PARD3B: variants seen among roughly 807,000 people sequenced by gnomAD.
PARD3B encodes par-3 family cell polarity regulator beta, also known as partitioning defective 3 homolog B.
Under a neutral mutation model 130.2 loss-of-function variants are expected in PARD3B, and 103 were observed. The ratio of observed to expected loss-of-function variants is 0.79; its 90% confidence interval spans 0.67 to 0.93. The LOEUF (loss-of-function observed/expected upper bound fraction) is 0.93, where lower values mean the gene tolerates loss of function less well. Ranked by LOEUF, PARD3B falls within the 40% of genes least tolerant of loss-of-function variation. The pLI is 0.00. For synonymous variants in PARD3B, 583 were observed against 553.2 expected (o/e 1.05, Z -0.76); for missense variants, 1,609 against 1,499.2 (o/e 1.07, Z -1.21).
intron 4 of PARD3B, among the ~76,000 whole-genome samples, chr2:205,102,273 G>A (rs1243460471): frequency 2.0e-5 from 3 of 151,996 alleles, no homozygotes; most frequent in East Asian, 3.9e-4. Context: ...ATGAGCTCTT[G>A]GTGTTATGTG....
chr2:205,594,129 C>T lies in PARD3B; in HGVS notation c.3261-21327C>T, dbSNP rs577117652. 2.6e-5 allele frequency among the ~76,000 whole-genome samples: 4 copies of T among 152,210 alleles called. No individual in the cohort carries two copies. In the South Asian group the frequency reaches 8.3e-4, roughly 32 times the overall value. The stretch of plus-strand genomic sequence containing the variant: ...CTGGCAGGGCCATGAAATTATAACC[C>T]CTGTCAACTCATTGGAGGCCACCTA... On this transcript the variant is annotated intron_variant, in intron 22 of 22. Coordinates refer to ENST00000406610, the MANE Select transcript of PARD3B (RefSeq NM_001302769.2).
intron 2 of PARD3B, among the ~76,000 whole-genome samples, chr2:204,923,246 G>A (rs1575317180): frequency 6.6e-6 from 1 of 151,896 alleles, no homozygotes; most frequent in East Asian, 1.9e-4. Flanking sequence ...ATCAACCAAA[G>A]GTTAAAGGTA....
At chr2:204,811,364 A>T (rs906884631) in intron 2 of PARD3B, among the ~76,000 whole-genome samples, 1 of 152,196 alleles carries the variant, frequency 6.6e-6, no homozygotes, top group Non-Finnish European at 1.5e-5. Context: ...TCTTATGTAT[A>T]TACTTTATCA....
chr2:204,873,181 G>A (rs534909863), intron 2 of PARD3B, among the ~76,000 whole-genome samples: 6 of 152,298 alleles, frequency 3.9e-5, no homozygotes, highest in Admixed American at 2.0e-4. Context: ...ACACTAAAGC[G>A]TATATCCTTT....
At chr2:205,567,647 C>G (rs2053405421) in intron 22 of PARD3B, among the ~76,000 whole-genome samples, 1 of 151,680 alleles carries the variant, frequency 6.6e-6, no homozygotes, top group African/African-American at 2.4e-5. Flanking sequence ...CTAGCAATAA[C>G]AGTAACAAGG....
intron 1 of PARD3B, among the ~76,000 whole-genome samples, chr2:204,662,763 C>T (rs1299037141): frequency 1.3e-5 from 2 of 152,084 alleles, no homozygotes; most frequent in Non-Finnish European, 2.9e-5. Context: ...AGTTGGGTGC[C>T]TCTGCCATTA....
chr2:205,244,222 G>T lies in PARD3B; in HGVS notation c.2141-1556G>T, dbSNP rs571959531. On this transcript the variant is annotated intron_variant, in intron 15 of 22. Coordinates refer to ENST00000406610, the MANE Select transcript of PARD3B (RefSeq NM_001302769.2). The surrounding 1 kb of genome is among the most constrained non-coding windows in gnomAD (Gnocchi z 4.7). ...ACTGGGTCAATTAAGACTGAATGTTGTGGGCAGAGAAAAAAAGGGACATGT... is the reference window on the plus strand; with the variant it reads ...ACTGGGTCAATTAAGACTGAATGTTTTGGGCAGAGAAAAAAAGGGACATGT... Among the ~76,000 whole-genome samples, 28 of 152,282 alleles carry T rather than the reference G, an allele frequency of 1.8e-4. No individual in the cohort carries two copies. The highest frequency in any genetic ancestry group is 1.2e-3 in the South Asian group (6 of 4,824).
intron 1 of PARD3B, among the ~76,000 whole-genome samples, chr2:204,555,739 T>C (rs532035228): frequency 2.0e-5 from 3 of 152,210 alleles, no homozygotes. Flanking sequence ...TGTCATGTTA[T>C]TCAAGCATGC....
chr2:205,502,180 G>C (rs981603056), intron 21 of PARD3B, among the ~76,000 whole-genome samples: 2 of 152,154 alleles, frequency 1.3e-5, no homozygotes, highest in Non-Finnish European at 2.9e-5. Context: ...CTTTTGTTCA[G>C]CGTAGGCCTG....
rs942444763 is a variant in PARD3B, at chr2:204,675,569, A to T, written c.121-10612A>T. Among the ~76,000 whole-genome samples the T allele has an allele frequency of 2.0e-4, 30 of 151,960 alleles. 1 individual carries two copies. Among genetic ancestry groups the T allele is most frequent in the African/African-American group, 6.5e-4 (27 of 41,502 alleles). ...AAATAATTAAAATTTGTTCTTTATT[A>T]AAAAAAAGCTCTATCTAGATCTGGA... is the stretch of plus-strand genomic sequence containing the variant. On this transcript the variant is annotated intron_variant, in intron 1 of 22. Transcript: ENST00000406610. This position sits in a 1 kb window ranked among gnomAD's most constrained non-coding sequence, Gnocchi z 4.4.
chr2:205,025,806 C>G (rs1490308861), intron 3 of PARD3B, among the ~76,000 whole-genome samples: 1 of 152,150 alleles, frequency 6.6e-6, no homozygotes, highest in Non-Finnish European at 1.5e-5. Flanking sequence ...ACACGATGCT[C>G]TGACCCCTCA....
intron 1 of PARD3B, among the ~76,000 whole-genome samples, chr2:204,633,903 A>G (rs1039441177): frequency 3.3e-5 from 5 of 152,208 alleles, no homozygotes; most frequent in Non-Finnish European, 7.3e-5. Context: ...ATGTTTTGAT[A>G]CAGGCAAATG....
At chr2:205,255,825 A>C (rs2040058597) in intron 16 of PARD3B, among the ~76,000 whole-genome samples, 1 of 152,142 alleles carries the variant, frequency 6.6e-6, no homozygotes, top group Admixed American at 6.5e-5. Flanking sequence ...GCAATCTAGG[A>C]GCTTTCCAAA....
chr2:205,312,419 A>G (rs2042422095), intron 18 of PARD3B, among the ~76,000 whole-genome samples: 1 of 152,202 alleles, frequency 6.6e-6, no homozygotes, highest in Non-Finnish European at 1.5e-5. Context: ...CTAGGTGGAG[A>G]AATACATTGA....
At chr2:204,822,936 T>C (rs2043423200) in intron 2 of PARD3B, among the ~76,000 whole-genome samples, 1 of 152,220 alleles carries the variant, frequency 6.6e-6, no homozygotes, top group Non-Finnish European at 1.5e-5. Flanking sequence ...ATCTGCTCTC[T>C]TTCTTGCTTT....
rs113948307 is a variant in PARD3B, at chr2:204,907,146, C to A, written c.223-58006C>A. On this transcript the variant is annotated intron_variant, in intron 2 of 22. Coordinates refer to ENST00000406610, the MANE Select transcript of PARD3B (RefSeq NM_001302769.2). The surrounding 1 kb of genome is among the most constrained non-coding windows in gnomAD (Gnocchi z 5.7). ...CAGGTGCCCACCACCACACCCGGCT[C>A]TTTTTTCATATTTTTAGTAAAGACG... is the stretch of plus-strand genomic sequence containing the variant. 0.058 allele frequency among the ~76,000 whole-genome samples: 8,771 copies of A among 152,008 alleles called. 638 individuals are homozygous for A. The highest frequency in any genetic ancestry group is 0.17 in the African/African-American group (7,007 of 41,410).
chr2:204,853,855 A>G (rs578163857), intron 2 of PARD3B, among the ~76,000 whole-genome samples: 10 of 152,338 alleles, frequency 6.6e-5, no homozygotes, highest in Non-Finnish European at 1.5e-4. Context: ...TGCACAAATA[A>G]GTGTATAATT....
intron 2 of PARD3B, among the ~76,000 whole-genome samples, chr2:204,714,839 T>C (rs370238478): frequency 6.6e-6 from 1 of 152,334 alleles, no homozygotes; most frequent in African/African-American, 2.4e-5. Flanking sequence ...GATTCACTAT[T>C]CACTTTCCAA....
At chr2:205,554,007 A>G (rs1052846972) in intron 22 of PARD3B, among the ~76,000 whole-genome samples, 4 of 152,350 alleles carry the variant, frequency 2.6e-5, no homozygotes, top group East Asian at 3.9e-4. Flanking sequence ...ATGAGATACA[A>G]TTCTCAAAAC....
Sources: gnomAD v4.1 joint callset for allele counts (sites outside exome capture counted in the v4.1 genomes callset) on GRCh38, gnomAD v4.1.1 for gene constraint, Gnocchi (gnomAD v3.1) non-coding constraint, MANE v1.5 for transcripts, NCBI Gene and HGNC (gene_info 2026-07-23, HGNC 2026-07-21) for gene names.